Variants in MECOM observed in about 807,000 individuals in gnomAD.
MECOM encodes MDS1 and EVI1 complex locus, also known as histone-lysine N-methyltransferase MECOM.
A neutral mutation model predicts 116.3 loss-of-function variants in MECOM; 13 were observed. The observed-to-expected ratio is 0.11, with a 90% CI of 0.07 to 0.18. MECOM has a LOEUF of 0.18. MECOM is among the 10% of genes least tolerant of loss of function. The pLI is 1.00. For missense variants in MECOM, 1,299 were observed against 1,509.0 expected (o/e 0.86, Z 2.31); for synonymous variants, 528 against 535.2 (o/e 0.99, Z 0.19).
intron 2 of MECOM, among the ~76,000 whole-genome samples, chr3:169,209,843 C>G (rs1750478002): frequency 6.6e-6 from 1 of 152,122 alleles, no homozygotes; most frequent in Admixed American, 6.5e-5. Flanking sequence ...ACCCAGCAAT[C>G]CCATTACTGG....
chr3:169,304,532 T>C (rs1421205107), intron 2 of MECOM, among the ~76,000 whole-genome samples: 3 of 152,220 alleles, frequency 2.0e-5, no homozygotes, highest in African/African-American at 4.8e-5. Context: ...TATAAGCTGC[T>C]GGACCATTCA....
chr3:169,154,612 C>A (rs771659248), intron 2 of MECOM, among the ~76,000 whole-genome samples: 2 of 152,128 alleles, frequency 1.3e-5, no homozygotes, highest in African/African-American at 4.8e-5. Context: ...TTACTTATTC[C>A]CTTGCTCACA....
At chr3:169,368,219 G>A (rs925145471) in intron 2 of MECOM, among the ~76,000 whole-genome samples, 2 of 151,958 alleles carry the variant, frequency 1.3e-5, no homozygotes, top group Non-Finnish European at 2.9e-5. Flanking sequence ...CCAATCTTCA[G>A]TTTCGGTTAC....
At chr3:169,440,055 G>C (rs762455217) in intron 1 of MECOM, among the ~76,000 whole-genome samples, 24 of 152,130 alleles carry the variant, frequency 1.6e-4, no homozygotes, top group Non-Finnish European at 3.1e-4. Flanking sequence ...CTTACTTCTA[G>C]AGTAAGGCAG....
intron 2 of MECOM, among the ~76,000 whole-genome samples, chr3:169,257,996 G>A (rs760802492): frequency 2.9e-4 from 44 of 152,148 alleles, no homozygotes; most frequent in Non-Finnish European, 5.0e-4. Flanking sequence ...CAAGGCAGGC[G>A]GATAACTTTA....
At chr3:169,404,670 C>T (rs1173263910) in intron 1 of MECOM, among the ~76,000 whole-genome samples, 1 of 152,190 alleles carries the variant, frequency 6.6e-6, no homozygotes, top group Non-Finnish European at 1.5e-5. Flanking sequence ...TTCCTGGAGT[C>T]CTGCCCTGCA....
At chr3:169,347,078 CA>C (rs1406725478) in intron 2 of MECOM, among the ~76,000 whole-genome samples, 1 of 151,872 alleles carries the variant, frequency 6.6e-6, no homozygotes, top group Admixed American at 6.6e-5. Flanking sequence ...GAATGATCAG[CA>C]AGACAAATGG....
intron 1 of MECOM, among the ~76,000 whole-genome samples, chr3:169,422,930 G>T (rs1038435115): frequency 2.0e-5 from 3 of 151,950 alleles, no homozygotes; most frequent in Non-Finnish European, 4.4e-5. Context: ...CACAAAGAAG[G>T]TACACAATAA....
chr3:169,116,021 T>C lies in MECOM; in HGVS notation c.1851A>G (p.Lys617=), dbSNP rs1729046300. The C allele has an allele frequency of 6.2e-7, 1 of 1,614,118 alleles. No individual in the cohort carries two copies. The highest frequency in any genetic ancestry group is 1.3e-5 in the African/African-American group (1 of 75,022). ...GAGGGCTTACTTTGTCTTTGAACATTTTACCATTTTCTTTAAATTTCTCTT... is the reference window on the plus strand; with the variant it reads ...GAGGGCTTACTTTGTCTTTGAACATCTTACCATTTTCTTTAAATTTCTCTT... ...SDKEKFKENG[K]MFKDKVSPLQ... Residue 617 remains lysine (K), a synonymous_variant, in exon 8 of 17, where the codon AAA becomes AAG. Transcript: ENST00000651503.
Position 169,380,251 on chromosome 3 carries a change from C to A in MECOM, c.375+936G>T, listed in dbSNP as rs527522958. Reference sequence around the variant, plus strand: ...TCTGTCTACTGAAATGCTATGAAACCAAAGGTCAATCACATCTCTAAAAAA... The same window carrying A: ...TCTGTCTACTGAAATGCTATGAAACAAAAGGTCAATCACATCTCTAAAAAA... On this transcript the variant is annotated intron_variant, in intron 2 of 16. Coordinates refer to ENST00000651503, the MANE Select transcript of MECOM (RefSeq NM_004991.4). Among the ~76,000 whole-genome samples, 18 of 152,022 alleles carry A rather than the reference C, an allele frequency of 1.2e-4. No individual in the cohort carries two copies. The South Asian group carries it at 3.3e-3, about 28-fold the overall frequency.
intron 2 of MECOM, among the ~76,000 whole-genome samples, chr3:169,346,852 G>A (rs1725450234): frequency 6.6e-6 from 1 of 151,992 alleles, no homozygotes. Context: ...ATGGAAAATT[G>A]GCAGAACCTG....
intron 2 of MECOM, among the ~76,000 whole-genome samples, chr3:169,216,283 T>G (rs1248817557): frequency 6.6e-6 from 1 of 152,216 alleles, no homozygotes; most frequent in Non-Finnish European, 1.5e-5. Flanking sequence ...GACGACCATC[T>G]AAACTACTTT....
chr3:169,618,529 C>T lies in MECOM; in HGVS notation c.37+44807G>A, dbSNP rs201607524. Reference sequence around the variant, plus strand: ...AAAATTAGCTGGTCATGGTGGCGCGCGCCCGTAGTCCCAGCTACTCAGGAG... The same window carrying T: ...AAAATTAGCTGGTCATGGTGGCGCGTGCCCGTAGTCCCAGCTACTCAGGAG... On this transcript the variant is annotated intron_variant, in intron 1 of 16. Coordinates refer to ENST00000651503, the MANE Select transcript of MECOM (RefSeq NM_004991.4). 8.0e-4 allele frequency among the ~76,000 whole-genome samples: 121 copies of T among 152,016 alleles called. 1 individual carries two copies. The Middle Eastern group carries it at 0.024, about 30-fold the overall frequency.
At chr3:169,456,995 G>A (rs1560297700) in intron 1 of MECOM, among the ~76,000 whole-genome samples, 2 of 152,136 alleles carry the variant, frequency 1.3e-5, no homozygotes, top group Non-Finnish European at 2.9e-5. Flanking sequence ...TAAGAGGAAA[G>A]TACATCCAGG....
At chr3:169,383,422 A>G (rs1732804794) in intron 1 of MECOM, among the ~76,000 whole-genome samples, 1 of 152,164 alleles carries the variant, frequency 6.6e-6, no homozygotes, top group Non-Finnish European at 1.5e-5. Flanking sequence ...TACTATGAAT[A>G]CCATCTCTCC....
intron 2 of MECOM, among the ~76,000 whole-genome samples, chr3:169,333,169 T>C (rs1444113209): frequency 6.6e-6 from 1 of 152,120 alleles, no homozygotes; most frequent in Non-Finnish European, 1.5e-5. Flanking sequence ...ACATCTAGCA[T>C]CAACTATTCA....
chr3:169,237,261 A>G (rs1299699723), intron 2 of MECOM, among the ~76,000 whole-genome samples: 1 of 152,222 alleles, frequency 6.6e-6, no homozygotes. Context: ...AAAAATAACA[A>G]TATACTAAGT....
intron 1 of MECOM, among the ~76,000 whole-genome samples, chr3:169,561,191 A>T (rs1235972220): frequency 6.6e-6 from 1 of 152,038 alleles, no homozygotes; most frequent in East Asian, 1.9e-4. Context: ...TGAATATTGG[A>T]GCTTTCATAC....
intron 2 of MECOM, among the ~76,000 whole-genome samples, chr3:169,148,678 G>A (rs1740580254): frequency 6.6e-6 from 1 of 152,164 alleles, no homozygotes; most frequent in East Asian, 1.9e-4. Context: ...TTAAACTTTA[G>A]CTGCAAACGG....
Sources: gnomAD v4.1 joint callset for allele counts (sites outside exome capture counted in the v4.1 genomes callset) on GRCh38, gnomAD v4.1.1 for gene constraint, MANE v1.5 for transcripts, NCBI Gene and HGNC (gene_info 2026-07-23, HGNC 2026-07-21) for gene names.